The following DPP6 variants were observed in gnomAD, a reference collection of about 807,000 sequenced individuals.
DPP6 encodes the protein dipeptidyl peptidase like 6, also known as A-type potassium channel modulatory protein DPP6.
In DPP6, 69 loss-of-function variants were observed where a neutral mutation model predicts 122.6. The ratio of observed to expected loss-of-function variants is 0.56; its 90% CI spans 0.46 to 0.69. The LOEUF (loss-of-function observed/expected upper bound fraction) is 0.69. Among genes scored for constraint, DPP6 ranks in the 30% least tolerant of loss-of-function variants. The probability of loss-of-function intolerance (pLI) is 0.00; values close to 1 mark genes in which losing one functional copy is unlikely to be tolerated. For missense variants in DPP6, 928 were observed against 1,116.9 expected, an observed-to-expected ratio of 0.83 and a Z score of 2.41; for synonymous variants, 418 against 433.1, an observed-to-expected ratio of 0.97 and a Z score of 0.43.
At chr7:154,886,026 T>C (rs577558086) in intron 22 of DPP6, among the ~76,000 whole-genome samples, 1 of 152,242 alleles carries the variant, frequency 6.6e-6, no homozygotes, top group East Asian at 1.9e-4. Context: ...CTGGCAGCAG[T>C]GGGGGCGAGG....
At chr7:154,482,857 A>G (rs1823432443) in intron 3 of DPP6, among the ~76,000 whole-genome samples, 1 of 149,006 alleles carries the variant, frequency 6.7e-6, no homozygotes, top group African/African-American at 2.5e-5. Context: ...GAGCACTGTC[A>G]AGGCTGACTT....
chr7:154,530,344 C>A (rs1827746081), intron 3 of DPP6, among the ~76,000 whole-genome samples: 1 of 152,038 alleles, frequency 6.6e-6, no homozygotes, highest in Admixed American at 6.6e-5. Context: ...TTGGCAAATA[C>A]AAGATGCTCA....
intron 1 of DPP6, among the ~76,000 whole-genome samples, chr7:154,300,842 TGTTGAA>T (rs1805854276): frequency 6.6e-6 from 1 of 152,208 alleles, no homozygotes; most frequent in African/African-American, 2.4e-5. Context: ...AAAATCCATG[TGTTGAA>T]GTCTTAACAC....
intron 1 of DPP6, among the ~76,000 whole-genome samples, chr7:154,107,953 G>A (rs1201371197): frequency 6.6e-6 from 1 of 152,212 alleles, no homozygotes; most frequent in Non-Finnish European, 1.5e-5. Context: ...GGTTCCATTT[G>A]AACTTCAATT....
At chr7:154,389,525 G>A (rs1343292374) in intron 1 of DPP6, among the ~76,000 whole-genome samples, 1 of 151,776 alleles carries the variant, frequency 6.6e-6, no homozygotes, top group Non-Finnish European at 1.5e-5. Flanking sequence ...TTTCACTATG[G>A]CTTTGCATCT....
intron 5 of DPP6, chr7:154,588,068 A>C (rs2130713142): frequency 6.2e-7 from 1 of 1,606,882 alleles, no homozygotes; most frequent in South Asian, 1.1e-5. Context: ...ATTTCGGGCC[A>C]GAGAGCAACC....
chr7:154,826,592 C>T (rs544960465), intron 16 of DPP6, among the ~76,000 whole-genome samples: 1 of 152,188 alleles, frequency 6.6e-6, no homozygotes, highest in Non-Finnish European at 1.5e-5. Context: ...AGCTACAAAT[C>T]AAACATGGAA....
chr7:154,009,977 T>C (rs1798084851), intron 1 of DPP6, among the ~76,000 whole-genome samples: 1 of 152,224 alleles, frequency 6.6e-6, no homozygotes, highest in Non-Finnish European at 1.5e-5. Flanking sequence ...TAAAGTCGCA[T>C]AGGTAATTAA....
intron 3 of DPP6, among the ~76,000 whole-genome samples, chr7:154,518,125 A>ATTCATTGAT (rs1270787666): frequency 6.6e-6 from 1 of 152,220 alleles, no homozygotes; most frequent in East Asian, 1.9e-4. Flanking sequence ...CTGATATGCC[A>ATTCATTGAT]TTCATTGATT....
the DPP6 span, among the ~76,000 whole-genome samples, chr7:153,816,637 A>G: frequency 6.6e-6 from 1 of 152,206 alleles, no homozygotes; most frequent in Non-Finnish European, 1.5e-5. Context: ...GCAAAGGAGG[A>G]AGCCACAGAC....
At chr7:154,450,162 G>A (rs1393932937) in intron 2 of DPP6, among the ~76,000 whole-genome samples, 2 of 152,280 alleles carry the variant, frequency 1.3e-5, no homozygotes, top group South Asian at 2.1e-4. Flanking sequence ...CTAAGTGAAG[G>A]AAGGCTGGCA....
chr7:153,853,872 G>A, the DPP6 span, among the ~76,000 whole-genome samples: 1 of 150,856 alleles, frequency 6.6e-6, no homozygotes, highest in Admixed American at 6.6e-5. Context: ...TGTCAATTTT[G>A]GCTTTTGTTG....
chr7:154,746,659 G>A (rs997308277), intron 8 of DPP6, among the ~76,000 whole-genome samples: 5 of 152,184 alleles, frequency 3.3e-5, no homozygotes, highest in Non-Finnish European at 5.9e-5. Context: ...TCACAGCAAT[G>A]GTTCACTCAA....
At chr7:154,738,013 T>C (rs556946113) in intron 8 of DPP6, among the ~76,000 whole-genome samples, 4 of 152,334 alleles carry the variant, frequency 2.6e-5, no homozygotes, top group African/African-American at 9.6e-5. Context: ...AGTGGAACCA[T>C]AAGAAATTGC....
At chr7:154,357,909 T>C (rs992969950) in intron 1 of DPP6, among the ~76,000 whole-genome samples, 2 of 149,422 alleles carry the variant, frequency 1.3e-5, no homozygotes, top group African/African-American at 5.0e-5. Context: ...ACCATTGTAC[T>C]CCAGCCTGGG....
At chr7:154,393,752 T>C (rs1814832150) in intron 1 of DPP6, among the ~76,000 whole-genome samples, 2 of 152,176 alleles carry the variant, frequency 1.3e-5, no homozygotes, top group African/African-American at 2.4e-5. Flanking sequence ...TCTCTGCAAC[T>C]CTTTTCATTT....
intron 2 of DPP6, among the ~76,000 whole-genome samples, chr7:154,455,456 C>G (rs1414134953): frequency 6.6e-6 from 1 of 152,120 alleles, no homozygotes; most frequent in Non-Finnish European, 1.5e-5. Flanking sequence ...TGAACATGAC[C>G]AGTGAATTTG....
intron 1 of DPP6, among the ~76,000 whole-genome samples, chr7:154,395,506 T>C (rs1424458877): frequency 1.3e-5 from 2 of 152,234 alleles, no homozygotes; most frequent in African/African-American, 4.8e-5. Context: ...TTTATTCTTT[T>C]TGATGCTGTT....
At chr7:154,530,210 G>A (rs1482739902) in intron 3 of DPP6, among the ~76,000 whole-genome samples, 1 of 151,988 alleles carries the variant, frequency 6.6e-6, no homozygotes, top group Admixed American at 6.6e-5. Context: ...TGCGTCAGAG[G>A]CCTGTGAAGA....
Sources: allele counts gnomAD v4.1 joint callset (sites outside exome capture counted in the v4.1 genomes callset), GRCh38; gene constraint gnomAD v4.1.1; transcripts MANE v1.5; gene names NCBI Gene and HGNC (gene_info 2026-07-23, HGNC 2026-07-21).